Variants in SCLT1 observed in about 807,000 individuals in gnomAD.
SCLT1 encodes sodium channel-associated protein 1.
SCLT1 carries 78 observed loss-of-function variants against 112.8 expected under a neutral mutation model. The ratio of observed to expected loss-of-function variants is 0.69; its 90% CI spans 0.58 to 0.83. SCLT1 has a LOEUF of 0.83. Ranked by LOEUF, SCLT1 falls within the 40% of genes least tolerant of loss-of-function variation. SCLT1 has a pLI of 0.00. For synonymous variants in SCLT1, 257 were observed against 254.7 expected, an observed-to-expected ratio of 1.01 and a Z score of -0.09; for missense variants, 747 against 770.4, an observed-to-expected ratio of 0.97 and a Z score of 0.36.
At chr4:128,918,839 A>C (rs1042968410) in intron 18 of SCLT1, among the ~76,000 whole-genome samples, 8 of 152,212 alleles carry the variant, frequency 5.3e-5, no homozygotes, top group African/African-American at 1.9e-4. Flanking sequence ...GAATAACATT[A>C]CATAATGGTA....
chr4:128,975,702 T>C (rs1207200772), intron 9 of SCLT1, among the ~76,000 whole-genome samples: 1 of 152,204 alleles, frequency 6.6e-6, no homozygotes, highest in Non-Finnish European at 1.5e-5. Flanking sequence ...AATAAGGACT[T>C]TTGTAATTAC....
chr4:129,048,881 G>A (rs562008323), intron 2 of SCLT1, among the ~76,000 whole-genome samples: 1 of 152,180 alleles, frequency 6.6e-6, no homozygotes, highest in East Asian at 1.9e-4. Flanking sequence ...ATGAAAAAAT[G>A]CTCATCATCA....
Position 128,952,769 on chromosome 4 carries a change from C to T in SCLT1, c.1218G>A (p.Met406Ile). The change falls in exon 14 of 21, where the codon ATG becomes ATA. Residue 406 changes from methionine (M) to isoleucine (I), a missense_variant and splice_region_variant. By Grantham distance (10) the Met-to-Ile change is conservative. Around this residue, in one of 2 missense-constraint regions of SCLT1, gnomAD observed 723 missense variants for 721.3 expected, o/e 1.00. Transcript: ENST00000281142. ...AAAATATCAGTATAGTCAAACATAC[C>T]ATTTGAAGGGCTGAAAGTTCTTCTG... ...RLTEELSALQ[M>I]ECAEKQGQIE... The T allele has an allele frequency of 6.7e-7, 1 of 1,497,994 alleles. No homozygotes were observed. Among genetic ancestry groups the T allele is most frequent in the East Asian group, 2.3e-5 (1 of 44,176 alleles). The allele number at this position is 1,497,994 out of a possible 1,614,324, so 92.8% of individuals were successfully genotyped here.
intron 12 of SCLT1, among the ~76,000 whole-genome samples, chr4:128,957,964 G>A (rs1336459978): frequency 1.3e-5 from 2 of 151,836 alleles, no homozygotes; most frequent in Admixed American, 6.6e-5. Context: ...TCTTAATACT[G>A]GACTACCCAA....
At chr4:128,890,682 T>C (rs1318615158) in intron 19 of SCLT1, among the ~76,000 whole-genome samples, 1 of 152,204 alleles carries the variant, frequency 6.6e-6, no homozygotes. Context: ...TTTTAATATA[T>C]TCCAGTAGGC....
intron 2 of SCLT1, among the ~76,000 whole-genome samples, chr4:129,050,876 T>C (rs929066726): frequency 6.6e-6 from 1 of 151,986 alleles, no homozygotes; most frequent in Admixed American, 6.6e-5. Flanking sequence ...TTTAAATCTT[T>C]AAACCATCAT....
intron 9 of SCLT1, among the ~76,000 whole-genome samples, chr4:128,976,798 A>G (rs1741213666): frequency 6.6e-6 from 1 of 152,188 alleles, no homozygotes; most frequent in South Asian, 2.1e-4. Flanking sequence ...GAAGAGACAG[A>G]GAAAGCTTTA....
At position 128,973,521 on chromosome 4, in the gene SCLT1, G is replaced by A. The variant is rs115045468; in HGVS notation, c.687-3053C>T. On this transcript the variant is annotated intron_variant, in intron 9 of 20. Transcript: ENST00000281142. ...GAAAGAGAGGGAGAGAGAAAGAGAG[G>A]GAGAGAGAGAAAGAGAGAGAGAATG... 4.9e-3 allele frequency among the ~76,000 whole-genome samples: 726 copies of A among 149,448 alleles called. 3 individuals are homozygous for A. The highest frequency in any genetic ancestry group is 0.016 in the African/African-American group (630 of 40,590).
At position 128,934,446 on chromosome 4, in the gene SCLT1, TG is replaced by T. The variant is rs567823151; in HGVS notation, c.1829+2208del. 5.3e-3 allele frequency among the ~76,000 whole-genome samples: 811 copies of T among 151,902 alleles called. 4 individuals carry two copies. Among genetic ancestry groups the T allele is most frequent in the Non-Finnish European group, 9.2e-3 (625 of 67,756 alleles). ...TACAGTGAATCTATAGGTATATTGG[TG>T]GGGGAGAATGAACATAATTATAATA... On this transcript the variant is annotated intron_variant, in intron 18 of 20. Coordinates refer to ENST00000281142, the MANE Select transcript of SCLT1 (RefSeq NM_144643.4).
downstream of SCLT1, among the ~76,000 whole-genome samples, chr4:128,883,159 A>AC (rs201081488): frequency 1.6e-3 from 223 of 142,948 alleles, 2 homozygotes; most frequent in Middle Eastern, 7.2e-3. Flanking sequence ...AACAACAACA[A>AC]AAAAAAAAAA....
At chr4:129,090,314 C>A (rs1752726400) in intron 1 of SCLT1, among the ~76,000 whole-genome samples, 1 of 152,120 alleles carries the variant, frequency 6.6e-6, no homozygotes, top group South Asian at 2.1e-4. Flanking sequence ...GAATAGAGTT[C>A]ATTAATAGAT....
At chr4:129,031,357 A>T (rs1329152018) in intron 5 of SCLT1, among the ~76,000 whole-genome samples, 1 of 152,148 alleles carries the variant, frequency 6.6e-6, no homozygotes, top group African/African-American at 2.4e-5. Flanking sequence ...CCAGTATGAT[A>T]CTGAATGGGC....
intron 14 of SCLT1, among the ~76,000 whole-genome samples, chr4:128,951,697 T>C (rs1248983326): frequency 6.6e-6 from 1 of 152,064 alleles, no homozygotes; most frequent in Admixed American, 6.6e-5. Context: ...GCAAAATAAC[T>C]GGGTGATAGA....
chr4:128,969,688 TG>T (rs1740518015), intron 10 of SCLT1, among the ~76,000 whole-genome samples: 1 of 152,176 alleles, frequency 6.6e-6, no homozygotes, highest in South Asian at 2.1e-4. Flanking sequence ...CTGTGGGGGT[TG>T]GGAGAACCAT....
At chr4:128,990,532 C>A (rs1742469271) in intron 9 of SCLT1, among the ~76,000 whole-genome samples, 4 of 151,774 alleles carry the variant, frequency 2.6e-5, no homozygotes, top group African/African-American at 9.7e-5. Flanking sequence ...ATATCTGGAA[C>A]AAGACAAGGA....
intron 5 of SCLT1, among the ~76,000 whole-genome samples, chr4:129,010,561 T>C (rs1744430237): frequency 6.6e-6 from 1 of 152,212 alleles, no homozygotes; most frequent in Non-Finnish European, 1.5e-5. Flanking sequence ...GGAACATTTT[T>C]TCATTTGTTT....
chr4:129,092,320 T>G (rs1752913476), intron 1 of SCLT1, among the ~76,000 whole-genome samples: 1 of 152,250 alleles, frequency 6.6e-6, no homozygotes, highest in African/African-American at 2.4e-5. Flanking sequence ...TTGCAAGTCT[T>G]TAACAAAGCA....
chr4:129,062,791 TC>T (rs1170843365), intron 2 of SCLT1, among the ~76,000 whole-genome samples: 6 of 152,362 alleles, frequency 3.9e-5, no homozygotes, highest in African/African-American at 1.4e-4. Flanking sequence ...ATGTTATAAG[TC>T]CTTTTCTCTT....
intron 9 of SCLT1, among the ~76,000 whole-genome samples, chr4:128,989,312 A>G (rs1742363189): frequency 6.6e-6 from 1 of 151,986 alleles, no homozygotes; most frequent in Non-Finnish European, 1.5e-5. Flanking sequence ...ACTAAAATTC[A>G]GTAACAAGAG....
Sources: allele counts gnomAD v4.1 joint callset (sites outside exome capture counted in the v4.1 genomes callset), GRCh38; gene constraint gnomAD v4.1.1; regional missense constraint gnomAD v4.1.1; transcripts MANE v1.5; gene names NCBI Gene and HGNC (gene_info 2026-07-23, HGNC 2026-07-21).